Variants in SMPX observed in about 807,000 individuals in gnomAD.
SMPX encodes small muscle protein X-linked, also known as small muscular protein.
In SMPX, 2 loss-of-function variants were observed where a neutral mutation model predicts 6.3. The observed-to-expected ratio is 0.32, with a 90% CI of 0.13 to 0.99. The LOEUF (loss-of-function observed/expected upper bound fraction) is 0.99. Ranked by LOEUF, SMPX falls within the 50% of genes least tolerant of loss-of-function variation. The pLI is 0.49. For missense variants in SMPX, 60 were observed against 66.8 expected, an observed-to-expected ratio of 0.90 and a Z score of 0.36; for synonymous variants, 32 against 24.7, an observed-to-expected ratio of 1.30 and a Z score of -0.88.
intron 1 of SMPX, among the ~76,000 whole-genome samples, 170 bp from the exon 2 acceptor site, chrX:21,754,472 G>A (rs762363215): frequency 1.8e-5 from 2 of 111,495 alleles, no homozygotes; most frequent in South Asian, 3.8e-4. Context: ...CTAATGCCTC[G>A]GGTGAGGGAA....
At chrX:21,729,788 ATC>A (rs10563306) in intron 4 of SMPX, among the ~76,000 whole-genome samples, 9,772 of 111,308 alleles carry the variant, frequency 0.088, 1,092 homozygotes, top group African/African-American at 0.3. Flanking sequence ...GACCCTCCAA[ATC>A]TCTGTTTTAA....
chrX:21,756,430 T>C (rs1215075625), intron 1 of SMPX, among the ~76,000 whole-genome samples: 2 of 112,227 alleles, frequency 1.8e-5, no homozygotes, highest in East Asian at 5.6e-4. Context: ...TAGATTCTGA[T>C]TTGCATACAA....
chrX:21,723,480 T>C lies in SMPX; in HGVS notation c.*14+14069A>G, dbSNP rs188317298. Among the ~76,000 whole-genome samples the C allele has an allele frequency of 3.6e-5, 4 of 112,248 alleles. No individual in the cohort carries two copies. In the East Asian group the frequency reaches 8.4e-4, roughly 24 times the overall value. Reference sequence around the variant, plus strand: ...CAGCCTGGAGGAATAATGACACTATTTGATGCTAGAATGTGGACCTGAAAT... The same window carrying C: ...CAGCCTGGAGGAATAATGACACTATCTGATGCTAGAATGTGGACCTGAAAT... On this transcript the variant is annotated intron_variant, in intron 4 of 4. Coordinates refer to ENST00000379494, the MANE Select transcript of SMPX (RefSeq NM_014332.3).
At chrX:21,747,057 T>C (rs2092822252) in intron 2 of SMPX, among the ~76,000 whole-genome samples, 1 of 111,975 alleles carries the variant, frequency 8.9e-6, no homozygotes, top group African/African-American at 3.2e-5. Flanking sequence ...TGAGTGTATT[T>C]GCTACACAAA....
chrX:21,720,339 T>C (rs1569304745), intron 4 of SMPX, among the ~76,000 whole-genome samples: 1 of 111,968 alleles, frequency 8.9e-6, no homozygotes, highest in Non-Finnish European at 1.9e-5. Context: ...ATAGCAGTCA[T>C]CACCAATTAG....
At chrX:21,720,851 T>C (rs1207209536) in intron 4 of SMPX, among the ~76,000 whole-genome samples, 1 of 112,355 alleles carries the variant, frequency 8.9e-6, no homozygotes, top group Non-Finnish European at 1.9e-5. Flanking sequence ...CCTTAGCATG[T>C]CATACCACAA....
At chrX:21,748,731 A>T (rs2092824166) in intron 2 of SMPX, among the ~76,000 whole-genome samples, 1 of 112,423 alleles carries the variant, frequency 8.9e-6, no homozygotes, top group Non-Finnish European at 1.9e-5. Context: ...TAGATCCATG[A>T]TCAACGAAAA....
At chrX:21,711,084 A>G (rs1279103986) in intron 4 of SMPX, among the ~76,000 whole-genome samples, 2 of 111,838 alleles carry the variant, frequency 1.8e-5, no homozygotes, top group Non-Finnish European at 3.8e-5. Flanking sequence ...AGTCCATCCC[A>G]GAGTACAAAG....
intron 4 of SMPX, among the ~76,000 whole-genome samples, chrX:21,720,017 T>C (rs747558268): frequency 3.6e-5 from 4 of 111,942 alleles, no homozygotes; most frequent in Non-Finnish European, 7.5e-5. Flanking sequence ...GGTTTTATCA[T>C]CTAAAAAATG....
intron 1 of SMPX, among the ~76,000 whole-genome samples, chrX:21,755,639 A>G (rs2147397383): frequency 8.9e-6 from 1 of 112,376 alleles, no homozygotes; most frequent in South Asian, 3.7e-4. Flanking sequence ...AGATCTGAAA[A>G]GAACTCTGTG....
chrX:21,743,841 A>G lies in SMPX; in HGVS notation c.46-5T>C. The G allele has an allele frequency of 8.5e-7, 1 of 1,175,384 alleles. No individual in the cohort carries two copies. The highest frequency in any genetic ancestry group is 1.2e-6 in the Non-Finnish European group (1 of 862,411). On this transcript the variant is annotated splice_polypyrimidine_tract_variant and splice_region_variant and intron_variant, in intron 2 of 4. Transcript: ENST00000379494. ...CATTGGAATATTGATATTTGCCTAA[A>G]AGAGAAAACAGGGTAGGTTTAGCTC...
chrX:21,720,672 G>A (rs2092790713), intron 4 of SMPX, among the ~76,000 whole-genome samples: 1 of 112,011 alleles, frequency 8.9e-6, no homozygotes, highest in Non-Finnish European at 1.9e-5. Context: ...TACAGGGTAG[G>A]ACCATATTGC....
At chrX:21,753,408 G>A (rs943230984) in intron 2 of SMPX, among the ~76,000 whole-genome samples, 1 of 111,670 alleles carries the variant, frequency 9.0e-6, no homozygotes, top group Middle Eastern at 4.6e-3. Flanking sequence ...TTATGATTGT[G>A]TTTCTGTTGT....
chrX:21,727,199 A>G (rs1056367973), intron 4 of SMPX: 5 of 112,815 alleles, frequency 4.4e-5, no homozygotes, highest in Non-Finnish European at 7.5e-5. Context: ...GTCAACTTGC[A>G]TTATGAAGAA....
chrX:21,753,789 G>T (rs1002415520), intron 2 of SMPX, among the ~76,000 whole-genome samples: 6 of 111,967 alleles, frequency 5.4e-5, no homozygotes, highest in Non-Finnish European at 1.1e-4. Context: ...AATAACATAT[G>T]AATTTTCAAA....
intron 2 of SMPX, among the ~76,000 whole-genome samples, chrX:21,744,987 C>T (rs2092819941): frequency 9.0e-6 from 1 of 111,500 alleles, no homozygotes; most frequent in Non-Finnish European, 1.9e-5. Flanking sequence ...ATCCAGTGTC[C>T]ATGTTCATGC....
At chrX:21,726,768 G>A in intron 4 of SMPX, among the ~76,000 whole-genome samples, 1 of 112,251 alleles carries the variant, frequency 8.9e-6, no homozygotes, top group Non-Finnish European at 1.9e-5. Context: ...ATTGCCTCTG[G>A]GAGTTAGGTA....
chrX:21,720,640 A>C (rs756105500), intron 4 of SMPX, among the ~76,000 whole-genome samples: 1 of 112,630 alleles, frequency 8.9e-6, no homozygotes, highest in East Asian at 2.8e-4. Context: ...TTAGTGTGAC[A>C]TGTCAAAAAC....
chrX:21,708,335 C>T (rs2092775123), intron 4 of SMPX, among the ~76,000 whole-genome samples: 1 of 112,107 alleles, frequency 8.9e-6, no homozygotes, highest in Non-Finnish European at 1.9e-5. Flanking sequence ...AGCCATGGGA[C>T]CCAGTTCTGG....
Sources: allele counts gnomAD v4.1 joint callset (sites outside exome capture counted in the v4.1 genomes callset), GRCh38; gene constraint gnomAD v4.1.1; transcripts MANE v1.5; gene names NCBI Gene and HGNC (gene_info 2026-07-23, HGNC 2026-07-21).